Variants in EPHA6 observed in about 807,000 individuals in gnomAD.
The protein encoded by EPHA6 is ephrin type-A receptor 6.
A neutral mutation model predicts 112.0 loss-of-function variants in EPHA6; 50 were observed. The ratio of observed to expected loss-of-function variants is 0.45; its 90% CI spans 0.36 to 0.56. The LOEUF (loss-of-function observed/expected upper bound fraction) is 0.56, where lower values mean the gene tolerates loss of function less well. Ranked by LOEUF, EPHA6 falls within the 20% of genes least tolerant of loss-of-function variation. EPHA6 has a pLI of 0.00. For missense variants in EPHA6, 1,280 were observed against 1,417.4 expected (o/e 0.90, Z 1.56); for synonymous variants, 529 against 490.7 (o/e 1.08, Z -1.03).
At chr3:97,247,183 C>A (rs972397770) in intron 5 of EPHA6, among the ~76,000 whole-genome samples, 2 of 151,964 alleles carry the variant, frequency 1.3e-5, no homozygotes, top group Admixed American at 6.6e-5. Flanking sequence ...GTTACGATTT[C>A]ACTGGACTGA....
intron 3 of EPHA6, among the ~76,000 whole-genome samples, chr3:97,041,311 GT>G (rs1379226988): frequency 3.3e-5 from 5 of 151,828 alleles, no homozygotes; most frequent in Non-Finnish European, 5.9e-5. Flanking sequence ...ATCTTTCCTG[GT>G]TTTGCCAGTC....
In EPHA6 at chr3:97,758,725, A is replaced by G. The variant is rs2036084189; in HGVS notation, c.*10024A>G. Among the ~76,000 whole-genome samples, 1 of 151,940 alleles carries G rather than the reference A, an allele frequency of 6.6e-6. No homozygotes were observed. Among genetic ancestry groups the G allele is most frequent in the South Asian group, 2.1e-4 (1 of 4,834 alleles). ...CCCCAAGGACATGCCATTTAAACTG[A>G]TATCTGAAAAGCATGAAGGAAGCAT... On this transcript the variant is annotated 3_prime_UTR_variant, in exon 18 of 18. Transcript: ENST00000389672.
At chr3:97,608,024 A>C (rs1043025234) in intron 12 of EPHA6, among the ~76,000 whole-genome samples, 2 of 150,954 alleles carry the variant, frequency 1.3e-5, no homozygotes, top group African/African-American at 4.8e-5. Flanking sequence ...TATAATCTTC[A>C]CAGTATGACT....
intron 5 of EPHA6, among the ~76,000 whole-genome samples, chr3:97,272,792 A>G (rs111867685): frequency 6.6e-6 from 1 of 151,972 alleles, no homozygotes; most frequent in East Asian, 1.9e-4. Context: ...TAAGGCAGGA[A>G]CCGGCCATCT....
intron 5 of EPHA6, among the ~76,000 whole-genome samples, chr3:97,306,815 C>T (rs180895253): frequency 2.0e-4 from 31 of 151,638 alleles, no homozygotes; most frequent in African/African-American, 7.2e-4. Context: ...CCCTAAAATA[C>T]GGCCTACCAG....
chr3:97,189,132 A>C (rs908675856), intron 3 of EPHA6, among the ~76,000 whole-genome samples: 1 of 152,148 alleles, frequency 6.6e-6, no homozygotes, highest in East Asian at 1.9e-4. Context: ...GTGTCCATAA[A>C]ATCTGGAAAT....
chr3:96,981,188 GT>G (rs1310052999), intron 2 of EPHA6, among the ~76,000 whole-genome samples: 6 of 152,248 alleles, frequency 3.9e-5, no homozygotes, highest in South Asian at 4.1e-4. Flanking sequence ...CTATGGGTTT[GT>G]CATAAATAGC....
intron 2 of EPHA6, among the ~76,000 whole-genome samples, chr3:96,951,631 A>G (rs1401421503): frequency 2.0e-5 from 3 of 152,142 alleles, no homozygotes; most frequent in Non-Finnish European, 2.9e-5. Flanking sequence ...AGGGAGCCAT[A>G]TTATGTCCTT....
intron 3 of EPHA6, among the ~76,000 whole-genome samples, chr3:97,060,674 G>A (rs1313431019): frequency 2.0e-5 from 3 of 152,058 alleles, no homozygotes; most frequent in African/African-American, 7.2e-5. Context: ...CACTTTGGGA[G>A]GCCGAGGCGG....
chr3:97,235,044 A>C lies in EPHA6; in HGVS notation c.1270+8625A>C, dbSNP rs201384644. Reference sequence around the variant, plus strand: ...TTGAAATGCTCCTTCCTTAGGTTTTATTTTTGCTATTCAGAATCAAATATC... The same window carrying C: ...TTGAAATGCTCCTTCCTTAGGTTTTCTTTTTGCTATTCAGAATCAAATATC... On this transcript the variant is annotated intron_variant, in intron 4 of 17. Transcript: ENST00000389672. Among the ~76,000 whole-genome samples the C allele has an allele frequency of 2.8e-3, 429 of 152,072 alleles. 1 individual carries two copies. The highest frequency in any genetic ancestry group is 4.9e-3 in the Non-Finnish European group (331 of 67,944).
At chr3:96,833,562 G>A (rs987848261) in intron 1 of EPHA6, among the ~76,000 whole-genome samples, 2 of 151,970 alleles carry the variant, frequency 1.3e-5, no homozygotes, top group Non-Finnish European at 2.9e-5. Flanking sequence ...GCATTCTTAA[G>A]GAGTAAACTA....
intron 5 of EPHA6, among the ~76,000 whole-genome samples, chr3:97,398,695 C>T (rs1577239795): frequency 6.6e-6 from 1 of 151,184 alleles, no homozygotes; most frequent in Non-Finnish European, 1.5e-5. Flanking sequence ...CTTTGGTTAC[C>T]CAAGAGTAGT....
At chr3:97,661,351 A>G (rs942642098) in intron 14 of EPHA6, among the ~76,000 whole-genome samples, 1 of 152,190 alleles carries the variant, frequency 6.6e-6, no homozygotes, top group Non-Finnish European at 1.5e-5. Flanking sequence ...AATGTAGTTC[A>G]ACAGCCCCTC....
Position 97,316,404 on chromosome 3 carries a change from A to G in EPHA6, c.1606+72117A>G, listed in dbSNP as rs148584366. On this transcript the variant is annotated intron_variant, in intron 5 of 17. Transcript: ENST00000389672. ...ATTGTGACCCCTGCCCAGGAACACC[A>G]ATCAAGAAGATGAAATAAATAGTGT... 7.6e-3 allele frequency among the ~76,000 whole-genome samples: 1,156 copies of G among 152,030 alleles called. 36 individuals carry two copies. Among genetic ancestry groups the G allele is most frequent in the African/African-American group, 0.027 (1,103 of 41,448 alleles).
intron 2 of EPHA6, among the ~76,000 whole-genome samples, chr3:96,892,013 G>T (rs1192787421): frequency 1.3e-5 from 2 of 152,184 alleles, no homozygotes; most frequent in Non-Finnish European, 2.9e-5. Flanking sequence ...CAGCTTTAGA[G>T]TTGGAAAGAC....
At chr3:97,235,875 T>C (rs572320674) in intron 4 of EPHA6, among the ~76,000 whole-genome samples, 4 of 152,252 alleles carry the variant, frequency 2.6e-5, no homozygotes, top group African/African-American at 9.6e-5. Context: ...TGGGCTTCCT[T>C]GTTTTTCTTT....
At chr3:96,938,013 T>C (rs1172731330) in intron 2 of EPHA6, among the ~76,000 whole-genome samples, 1 of 152,186 alleles carries the variant, frequency 6.6e-6, no homozygotes, top group African/African-American at 2.4e-5. Flanking sequence ...TACTGTAGCC[T>C]TGTAGTATAG....
chr3:97,361,442 C>T lies in EPHA6; in HGVS notation c.1607-43708C>T, dbSNP rs113154369. 1.6e-3 allele frequency among the ~76,000 whole-genome samples: 240 copies of T among 152,248 alleles called. 1 individual carries two copies. The highest frequency in any genetic ancestry group is 5.0e-3 in the African/African-American group (208 of 41,546). ...GAAATTTAATATGAATCATACAGTT[C>T]GGCTTGCGTCTTAGTCTGTTTTCTG... On this transcript the variant is annotated intron_variant, in intron 5 of 17. Coordinates refer to ENST00000389672, the MANE Select transcript of EPHA6 (RefSeq NM_001080448.3).
chr3:97,565,577 C>T (rs1424594726), intron 11 of EPHA6, among the ~76,000 whole-genome samples: 1 of 152,084 alleles, frequency 6.6e-6, no homozygotes. Context: ...TTTAAAATTT[C>T]AAGTTCTTGC....
Sources: gnomAD v4.1 joint callset for allele counts (sites outside exome capture counted in the v4.1 genomes callset) on GRCh38, gnomAD v4.1.1 for gene constraint, MANE v1.5 for transcripts, NCBI Gene and HGNC (gene_info 2026-07-23, HGNC 2026-07-21) for gene names.